Variants in ARHGAP28 observed in about 807,000 individuals in gnomAD.
The protein encoded by ARHGAP28 is Rho GTPase activating protein 28.
A neutral mutation model predicts 90.7 loss-of-function variants in ARHGAP28; 56 were observed. That is an observed-to-expected ratio of 0.62 (90% confidence interval 0.50 to 0.77). ARHGAP28 has a LOEUF of 0.77. Among genes scored for constraint, ARHGAP28 ranks in the 30% least tolerant of loss-of-function variants. ARHGAP28 has a pLI of 0.00. For synonymous variants in ARHGAP28, 308 were observed against 323.3 expected, an observed-to-expected ratio of 0.95 and a Z score of 0.51; for missense variants, 869 against 900.9, an observed-to-expected ratio of 0.96 and a Z score of 0.45.
At chr18:6,781,712 G>C (rs552305121) in intron 1 of ARHGAP28, among the ~76,000 whole-genome samples, 182 of 152,284 alleles carry the variant, frequency 1.2e-3, no homozygotes, top group Middle Eastern at 3.4e-3. Flanking sequence ...CATTGTTCTG[G>C]GGGTGGGACA....
intron 13 of ARHGAP28, 52 bp from the exon 14 acceptor site, chr18:6,890,378 G>A: frequency 8.4e-7 from 1 of 1,186,742 alleles, no homozygotes; most frequent in Non-Finnish European, 1.2e-6. Context: ...ATCTGCTAGG[G>A]AGTTTGAATT....
At chr18:6,754,464 A>C (rs2056093663) in intron 1 of ARHGAP28, among the ~76,000 whole-genome samples, 1 of 152,194 alleles carries the variant, frequency 6.6e-6, no homozygotes, top group Admixed American at 6.5e-5. Flanking sequence ...CATTGTCAAA[A>C]TTCTCAAATC....
In ARHGAP28 at chr18:6,729,924, G is replaced by C; in HGVS notation, c.103G>C (p.Ala35Pro). 1 of 1,396,136 alleles carries C rather than the reference G, an allele frequency of 7.2e-7. No individual in the cohort carries two copies. The highest frequency in any genetic ancestry group is 3.0e-5 in the Admixed American group (1 of 33,760). 86.5% of individuals were successfully genotyped at this position (1,396,136 alleles called of 1,614,324 possible). A position where few individuals can be genotyped will look rare whatever the true frequency, so the allele number is the denominator to read the frequency against. The change falls in exon 1 of 18, where the codon GCC becomes CCC. Residue 35 changes from alanine (A) to proline (P), a missense_variant. Physicochemically the swap from Ala to Pro is conservative, Grantham distance 27. Coordinates refer to ENST00000383472, the MANE Select transcript of ARHGAP28 (RefSeq NM_001366230.1). ...GTCGCGCTGCGCGCCCCGCGCCGCA[G>C]CCAGCCACCCGCTCAGCAGGTACCC... ...AESRCAPRAA[A>P]SHPLSRKSIP...
At chr18:6,869,291 G>A (rs889003482) in intron 6 of ARHGAP28, among the ~76,000 whole-genome samples, 19 of 114,632 alleles carry the variant, frequency 1.7e-4, no homozygotes, top group Admixed American at 9.0e-4. Flanking sequence ...ATGGAGTTTC[G>A]CTCTTGTCAC....
intron 1 of ARHGAP28, among the ~76,000 whole-genome samples, chr18:6,804,002 A>G (rs923572783): frequency 6.6e-5 from 10 of 152,062 alleles, no homozygotes; most frequent in Non-Finnish European, 1.3e-4. Context: ...GATGATCTTG[A>G]TTTCCTGACC....
intron 1 of ARHGAP28, among the ~76,000 whole-genome samples, chr18:6,797,471 A>G (rs2056449360): frequency 6.6e-6 from 1 of 152,122 alleles, no homozygotes; most frequent in Non-Finnish European, 1.5e-5. Context: ...CTGGATCTTC[A>G]TGAAACTGTA....
chr18:6,795,821 T>G (rs1298908794), intron 1 of ARHGAP28, among the ~76,000 whole-genome samples: 1 of 152,190 alleles, frequency 6.6e-6, no homozygotes, highest in Non-Finnish European at 1.5e-5. Context: ...AGTCACCAGA[T>G]ATTTAGAGGC....
rs527867685 is a variant in ARHGAP28 at position 6,893,097 on chromosome 18, C to T, written c.1849-1738C>T. ...TTGTTTTCCTCAATTTCTTCTGATC[C>T]ACTGCATCAGGCAGCTGTGACAAAA... On this transcript the variant is annotated intron_variant, in intron 14 of 17. Transcript: ENST00000383472. 3.3e-5 allele frequency among the ~76,000 whole-genome samples: 5 copies of T among 152,282 alleles called. No homozygotes were observed. In the East Asian group the frequency reaches 9.6e-4, roughly 29 times the overall value.
intron 1 of ARHGAP28, among the ~76,000 whole-genome samples, chr18:6,763,065 C>T (rs755786795): frequency 2.0e-5 from 3 of 151,442 alleles, no homozygotes; most frequent in Non-Finnish European, 4.4e-5. Context: ...TTCACAATAA[C>T]TTTATGAGAG....
chr18:6,800,753 AATGTAG>A (rs1342682770), intron 1 of ARHGAP28, among the ~76,000 whole-genome samples: 11 of 152,140 alleles, frequency 7.2e-5, no homozygotes, highest in Admixed American at 7.2e-4. Flanking sequence ...AGAAATATCT[AATGTAG>A]ATGAGGGGTT....
At chr18:6,891,391 A>G (rs1049488000) in intron 14 of ARHGAP28, among the ~76,000 whole-genome samples, 3 of 151,984 alleles carry the variant, frequency 2.0e-5, no homozygotes, top group Admixed American at 1.3e-4. Context: ...CAGCCTCCCA[A>G]GTAGCTGGGA....
intron 1 of ARHGAP28, among the ~76,000 whole-genome samples, chr18:6,771,832 T>C (rs1223910059): frequency 6.6e-6 from 1 of 152,214 alleles, no homozygotes; most frequent in Non-Finnish European, 1.5e-5. Flanking sequence ...TAATGCTCTT[T>C]ATGTAGTTAG....
At chr18:6,831,817 A>G (rs1254305491) in intron 2 of ARHGAP28, among the ~76,000 whole-genome samples, 1 of 152,114 alleles carries the variant, frequency 6.6e-6, no homozygotes, top group Non-Finnish European at 1.5e-5. Flanking sequence ...CCAGTTTTAC[A>G]GGGAACGGGT....
At chr18:6,738,277 A>G (rs1344632879) in intron 1 of ARHGAP28, among the ~76,000 whole-genome samples, 1 of 152,094 alleles carries the variant, frequency 6.6e-6, no homozygotes, top group East Asian at 1.9e-4. Flanking sequence ...GGTTAGCCAC[A>G]AATTTACTTA....
intron 5 of ARHGAP28, among the ~76,000 whole-genome samples, chr18:6,860,496 A>G (rs2056989015): frequency 6.6e-6 from 1 of 152,148 alleles, no homozygotes; most frequent in Non-Finnish European, 1.5e-5. Context: ...GGAGGATATG[A>G]TAGACCCTCC....
At chr18:6,797,089 G>C (rs375194025) in intron 1 of ARHGAP28, among the ~76,000 whole-genome samples, 1 of 152,114 alleles carries the variant, frequency 6.6e-6, no homozygotes, top group Non-Finnish European at 1.5e-5. Context: ...GGCTCTATTT[G>C]TTTCCTTCCT....
chr18:6,843,448 T>C (rs927455043), intron 3 of ARHGAP28, among the ~76,000 whole-genome samples: 3 of 152,270 alleles, frequency 2.0e-5, no homozygotes, highest in Non-Finnish European at 4.4e-5. Flanking sequence ...GCCTTTACTT[T>C]CTACGCATTT....
rs200478650 is a variant in ARHGAP28, at chr18:6,859,825, C to T, written c.654C>T (p.Leu218=). The stretch of plus-strand genomic sequence containing the variant: ...CCATTTAGCCAGATGATGCTTCTCT[C>T]AACAGTACTACCCTGTCTGACGCAT... ...TSGSMPDDAS[L]NSTTLSDASQ... Residue 218 remains leucine (L), a synonymous_variant, in exon 5 of 18, where the codon CTC becomes CTT. Transcript: ENST00000383472. The T allele has an allele frequency of 2.5e-6, 4 of 1,614,098 alleles. No individual in the cohort carries two copies. The highest frequency in any genetic ancestry group is 1.3e-5 in the African/African-American group (1 of 75,054).
At chr18:6,903,943 G>T (rs558240636) in intron 16 of ARHGAP28, among the ~76,000 whole-genome samples, 1 of 151,710 alleles carries the variant, frequency 6.6e-6, no homozygotes, top group South Asian at 2.1e-4. Flanking sequence ...GACTATAAAG[G>T]TATCAGAAAC....
Sources: allele counts gnomAD v4.1 joint callset (sites outside exome capture counted in the v4.1 genomes callset), GRCh38; gene constraint gnomAD v4.1.1; transcripts MANE v1.5; gene names NCBI Gene and HGNC (gene_info 2026-07-23, HGNC 2026-07-21).